Variants in UBA7 observed in about 807,000 individuals in gnomAD.
UBA7 encodes ubiquitin like modifier activating enzyme 7, also known as ubiquitin-like modifier-activating enzyme 7.
A neutral mutation model predicts 113.0 loss-of-function variants in UBA7; 88 were observed. The ratio of observed to expected loss-of-function variants is 0.78; its 90% confidence interval spans 0.66 to 0.93. The LOEUF is 0.93. UBA7 is among the 40% of genes least tolerant of loss of function. The pLI is 0.00. For synonymous variants in UBA7, 459 were observed against 513.0 expected (o/e 0.89, Z 1.42); for missense variants, 1,092 against 1,266.4 (o/e 0.86, Z 2.09).
rs2081528633 is a variant in UBA7 at position 49,810,596 on chromosome 3, C to A, written c.1388G>T (p.Gly463Val). ...LVGLGAGNSG[G>V]LTVVDMDHIE... ...GTGGTCCATGTCAACAACAGTCAAG[C>A]CCCCGCTGTTCCCGGCCCCCAGTCC... The change falls in exon 12 of 24, where the codon GGC becomes GTC. Residue 463 changes from glycine to valine, a missense_variant. Physicochemically the swap from Gly to Val is moderately radical, Grantham distance 109. This residue lies in a region of UBA7 where 584 missense variants were observed against 714.5 expected (regional missense o/e 0.82). Coordinates refer to ENST00000333486, the MANE Select transcript of UBA7 (RefSeq NM_003335.3). This position sits in a 1 kb window ranked among gnomAD's most constrained non-coding sequence, Gnocchi z 5.6. 6.2e-7 allele frequency: 1 copy of A among 1,614,086 alleles called. No individual in the cohort carries two copies. The highest frequency in any genetic ancestry group is 8.5e-7 in the Non-Finnish European group (1 of 1,180,006).
chr3:49,808,190 G>T, intron 19 of UBA7, 78 bp from the exon 20 acceptor site: 2 of 1,570,408 alleles, frequency 1.3e-6, no homozygotes, highest in Non-Finnish European at 8.7e-7. Flanking sequence ...CACTGCACAA[G>T]TCTCCACACA....
At chr3:49,811,766 G>A (rs2081551244) in intron 8 of UBA7, 104 bp downstream of exon 8, 1 of 1,551,516 alleles carries the variant, frequency 6.4e-7, no homozygotes, top group Non-Finnish European at 8.8e-7. Flanking sequence ...AGGCTGCAGT[G>A]TTGGGAGATC....
Position 49,809,556 on chromosome 3 carries a change from A to C in UBA7, c.2074T>G (p.Phe692Val). The change falls in exon 16 of 24, where the codon TTC becomes GTC. Residue 692 changes from phenylalanine (F) to valine (V), a missense_variant. Around this residue, in one of 3 missense-constraint regions of UBA7, gnomAD observed 500 missense variants for 529.3 expected, o/e 0.94. Transcript: ENST00000333486. ...HYGIKQLLRH[F>V]PPNKVLEDGT... ...TAGCCACACACTTTATTAGGTGGGAAGTGCCTCAGCAGCTGTTTGATGCCA... is the reference window on the plus strand; with the variant it reads ...TAGCCACACACTTTATTAGGTGGGACGTGCCTCAGCAGCTGTTTGATGCCA... 6.2e-7 allele frequency: 1 copy of C among 1,614,136 alleles called. No homozygotes were observed. Among genetic ancestry groups the C allele is most frequent in the Non-Finnish European group, 8.5e-7 (1 of 1,180,030 alleles).
Position 49,811,025 on chromosome 3 carries a change from C to A in UBA7, c.1189G>T (p.Glu397Ter), listed in dbSNP as rs563715191. Reference sequence around the variant, plus strand: ...GGACTGGGAAGGAGCTCCCCATCTTCCGGAAGACAATCGAGGGCATCAAAG... The same window carrying A: ...GGACTGGGAAGGAGCTCCCCATCTTACGGAAGACAATCGAGGGCATCAAAG... The part of the protein sequence containing the change: ...LYFDALDCLP[E>*]DGELLPSPED... Residue 397 changes from glutamate (E) to a stop codon, truncating the protein, a stop_gained, in exon 10 of 24, where the codon GAA becomes TAA. Transcript: ENST00000333486. LOFTEE classifies it high-confidence loss of function. The A allele has an allele frequency of 3.1e-4, 497 of 1,614,148 alleles. 6 individuals are homozygous for A. The South Asian group carries it at 4.4e-3, about 14-fold the overall frequency.
At chr3:49,805,790 A>G in intron 23 of UBA7, 107 bp downstream of exon 23, 1 of 1,084,818 alleles carries the variant, frequency 9.2e-7, no homozygotes, top group Non-Finnish European at 1.3e-6. Context: ...ATGCTTGGGA[A>G]GGTGTGAGGG....
chr3:49,805,581 A>G, intron 23 of UBA7, 144 bp from the exon 24 acceptor site: 1 of 781,304 alleles, frequency 1.3e-6, no homozygotes, highest in Middle Eastern at 3.3e-4. Context: ...AACATCTGAA[A>G]CTATTTTAGG....
Position 49,807,786 on chromosome 3 carries a change from C to T in UBA7, c.2665G>A (p.Ala889Thr), listed in dbSNP as rs893284300. ...SAFRHSYLHL[A>T]ENYLIRYMPF... Reference sequence around the variant, plus strand: ...ATATAGCGGATGAGGTAGTTTTCAGCCAGATGTAGGTAGCTGTGGCGAAAG... The same window carrying T: ...ATATAGCGGATGAGGTAGTTTTCAGTCAGATGTAGGTAGCTGTGGCGAAAG... The change falls in exon 21 of 24, where the codon GCT becomes ACT. Residue 889 changes from alanine to threonine, a missense_variant. Coordinates refer to ENST00000333486, the MANE Select transcript of UBA7 (RefSeq NM_003335.3). The surrounding 1 kb of genome is among the most constrained non-coding windows in gnomAD (Gnocchi z 4.0). 2 of 1,613,620 alleles carry T rather than the reference C, an allele frequency of 1.2e-6. No homozygotes were observed. Among genetic ancestry groups the T allele is most frequent in the African/African-American group, 1.3e-5 (1 of 74,902 alleles).
chr3:49,805,270 G>C lies in UBA7; in HGVS notation c.*38C>G. ...GCTTACAATGCAGGGCTTGGGATCCGGGGCTCCATTGAGCTAGGTGACAGG... is the reference window on the plus strand; with the variant it reads ...GCTTACAATGCAGGGCTTGGGATCCCGGGCTCCATTGAGCTAGGTGACAGG... On this transcript the variant is annotated 3_prime_UTR_variant, in exon 24 of 24. Transcript: ENST00000333486. 6.3e-7 allele frequency: 1 copy of C among 1,594,238 alleles called. No individual in the cohort carries two copies.
intron 8 of UBA7, 58 bp from the exon 9 acceptor site, chr3:49,811,513 A>T: frequency 1.3e-6 from 2 of 1,544,468 alleles, no homozygotes; most frequent in African/African-American, 1.4e-5. Flanking sequence ...TCCTGACTCA[A>T]ATCCTTCCAG....
intron 21 of UBA7, 107 bp from the exon 22 acceptor site, chr3:49,806,272 G>A: frequency 1.2e-6 from 1 of 820,030 alleles, no homozygotes; most frequent in Non-Finnish European, 1.9e-6. Flanking sequence ...CAGGAAACAG[G>A]AGCCAGGGGG....
In UBA7 at chr3:49,807,792, G is replaced by A. The variant is rs947617899; in HGVS notation, c.2659C>T (p.His887Tyr). ...PRSAFRHSYL[H>Y]LAENYLIRYM... ...CGGATGAGGTAGTTTTCAGCCAGAT[G>A]TAGGTAGCTGTGGCGAAAGGCACTA... The change falls in exon 21 of 24, where the codon CAT (histidine) becomes TAT (tyrosine). Residue 887 changes from histidine to tyrosine, a missense_variant. Coordinates refer to ENST00000333486, the MANE Select transcript of UBA7 (RefSeq NM_003335.3). The surrounding 1 kb of genome is among the most constrained non-coding windows in gnomAD (Gnocchi z 4.0). 3 of 1,614,042 alleles carry A rather than the reference G, an allele frequency of 1.9e-6. No homozygotes were observed. Among genetic ancestry groups the A allele is most frequent in the African/African-American group, 1.3e-5 (1 of 75,062 alleles).
chr3:49,811,765 T>C (rs1559436681), intron 8 of UBA7, 105 bp downstream of exon 8: 4 of 1,543,822 alleles, frequency 2.6e-6, no homozygotes, highest in Non-Finnish European at 3.5e-6. Flanking sequence ...AAGGCTGCAG[T>C]GTTGGGAGAT....
intron 1 of UBA7, 24 bp downstream of exon 1, chr3:49,813,708 T>TCCACCCC (rs1316468063): frequency 6.2e-7 from 1 of 1,614,184 alleles, no homozygotes; most frequent in Admixed American, 1.7e-5. Flanking sequence ...CATCCCACTC[T>TCCACCCC]CCACCCCCCA....
At position 49,813,172 on chromosome 3, in the gene UBA7, G is replaced by A. The variant is rs1411484347; in HGVS notation, c.361-4C>T. The A allele has an allele frequency of 1.9e-6, 3 of 1,613,866 alleles. No homozygotes were observed. The highest frequency in any genetic ancestry group is 1.7e-5 in the Admixed American group (1 of 59,990). ...TTGCAGCAGTCAGCACCACCACCTG[G>A]GTGGACACAGTGATCAGCAGGGCCA... On this transcript the variant is annotated splice_polypyrimidine_tract_variant and splice_region_variant and intron_variant, in intron 3 of 23. Coordinates refer to ENST00000333486, the MANE Select transcript of UBA7 (RefSeq NM_003335.3).
rs1003473325 is a variant in UBA7, at chr3:49,808,870, G to A, written c.2347+106C>T. ...AGGAGGCCTGAGAGGTAGCAAATTGGCTGTAGATCCCCTAGGCCCTATCTT... is the reference window on the plus strand; with the variant it reads ...AGGAGGCCTGAGAGGTAGCAAATTGACTGTAGATCCCCTAGGCCCTATCTT... On this transcript the variant is annotated intron_variant, in intron 18 of 23. Transcript: ENST00000333486. 7 of 1,405,526 alleles carry A rather than the reference G, an allele frequency of 5.0e-6. No individual in the cohort carries two copies. In the African/African-American group the frequency reaches 8.6e-5, roughly 17 times the overall value. 87.1% of individuals were successfully genotyped at this position (1,405,526 alleles called of 1,614,324 possible). A position where few individuals can be genotyped will look rare whatever the true frequency, so the allele number is the denominator to read the frequency against.
rs1024484357 is a variant in UBA7 at position 49,806,335 on chromosome 3, G to A, written c.2716-170C>T. 49 of 629,654 alleles carry A rather than the reference G, an allele frequency of 7.8e-5. No homozygotes were observed. In the Admixed American group the frequency reaches 8.4e-4, roughly 11 times the overall value. The allele number at this position is 629,654 out of a possible 1,614,324, so 39.0% of individuals were successfully genotyped here. A position where few individuals can be genotyped will look rare whatever the true frequency, so the allele number is the denominator to read the frequency against. On this transcript the variant is annotated intron_variant, in intron 21 of 23. Coordinates refer to ENST00000333486, the MANE Select transcript of UBA7 (RefSeq NM_003335.3). ...GGCCCAGAGTCTCAGCCCCCTCCCCGTCCAGGCCGGGGCCAGCACAGGAAA... is the reference window on the plus strand; with the variant it reads ...GGCCCAGAGTCTCAGCCCCCTCCCCATCCAGGCCGGGGCCAGCACAGGAAA...
intron 8 of UBA7, 193 bp from the exon 9 acceptor site, chr3:49,811,648 C>T (rs1292476406): frequency 4.5e-6 from 5 of 1,105,722 alleles, no homozygotes; most frequent in Non-Finnish European, 6.3e-6. Context: ...GTCCAGGAGG[C>T]TTCACTAATC....
chr3:49,811,763 A>G, intron 8 of UBA7, 107 bp downstream of exon 8: 1 of 1,538,956 alleles, frequency 6.5e-7, no homozygotes, highest in South Asian at 1.2e-5. Context: ...TAAAGGCTGC[A>G]GTGTTGGGAG....
chr3:49,805,320 G>T lies in UBA7; in HGVS notation c.3027C>A (p.His1009Gln), dbSNP rs776164251. The T allele has an allele frequency of 6.2e-7, 1 of 1,613,918 alleles. No individual in the cohort carries two copies. The highest frequency in any genetic ancestry group is 1.3e-5 in the African/African-American group (1 of 75,016). The change falls in exon 24 of 24, where the codon CAC (histidine) becomes CAA (glutamine). Residue 1009 changes from histidine to glutamine, a missense_variant. His to Gln is a conservative substitution (Grantham distance 24). Around this residue, in one of 3 missense-constraint regions of UBA7, gnomAD observed 500 missense variants for 529.3 expected, o/e 0.94. Transcript: ENST00000333486. ...DDEDTAFPPLHYEL is the reference protein window; with the variant it reads ...DDEDTAFPPLQYEL ...GGTGGCTGCCTTGTCACAGCTCATA[G>T]TGCAGAGGTGGGAAGGCAGTGTCCT...
Sources: allele counts gnomAD v4.1 joint callset, GRCh38; gene constraint gnomAD v4.1.1; regional missense constraint gnomAD v4.1.1; non-coding constraint Gnocchi (gnomAD v3.1); transcripts MANE v1.5; gene names NCBI Gene and HGNC (gene_info 2026-07-23, HGNC 2026-07-21).